Variants in ARHGAP21 observed in about 807,000 individuals in gnomAD.
ARHGAP21 encodes Rho GTPase activating protein 21.
In ARHGAP21, 38 loss-of-function variants were observed where a neutral mutation model predicts 164.6. That is an observed-to-expected ratio of 0.23 (90% confidence interval 0.18 to 0.30). ARHGAP21 has a LOEUF of 0.30. Among genes scored for constraint, ARHGAP21 ranks in the 10% least tolerant of loss-of-function variants. The probability of loss-of-function intolerance (pLI) is 1.00; values close to 1 mark genes in which losing one functional copy is unlikely to be tolerated. For synonymous variants in ARHGAP21, 766 were observed against 857.9 expected, an observed-to-expected ratio of 0.89 and a Z score of 1.87; for missense variants, 1,822 against 2,370.7, an observed-to-expected ratio of 0.77 and a Z score of 4.81.
intron 2 of ARHGAP21, among the ~76,000 whole-genome samples, chr10:24,680,786 A>G (rs933768939): frequency 1.3e-5 from 2 of 152,192 alleles, no homozygotes; most frequent in African/African-American, 4.8e-5. Flanking sequence ...AGGCACACAC[A>G]GTGAAGGAGC....
At chr10:24,656,641 T>C (rs1838998261) in intron 4 of ARHGAP21, among the ~76,000 whole-genome samples, 1 of 101,054 alleles carries the variant, frequency 9.9e-6, no homozygotes, top group Non-Finnish European at 2.0e-5. Context: ...CCGCCCCTAC[T>C]GGGAAGTGAG....
Position 24,586,048 on chromosome 10 carries a change from A to G in ARHGAP21, c.4241T>C (p.Phe1414Ser), listed in dbSNP as rs61732945. The part of the protein sequence containing the change: ...YSRELLVSSI[F>S]AAASRKRKKP... Reference sequence around the variant, plus strand: ...CTTCCTCTTGCGACTAGCAGCTGCAAAGATGGAGGACACAAGCAGTTCCCT... The same window carrying G: ...CTTCCTCTTGCGACTAGCAGCTGCAGAGATGGAGGACACAAGCAGTTCCCT... Residue 1414 changes from phenylalanine to serine, a missense_variant, in exon 26 of 26, where the codon TTT (phenylalanine) becomes TCT (serine). By Grantham distance (155) the Phe-to-Ser change is radical. Coordinates refer to ENST00000396432, the MANE Select transcript of ARHGAP21 (RefSeq NM_020824.4). The G allele has an allele frequency of 6.2e-7, 1 of 1,613,988 alleles. No individual in the cohort carries two copies. Among genetic ancestry groups the G allele is most frequent in the Non-Finnish European group, 8.5e-7 (1 of 1,179,986 alleles).
chr10:24,666,198 A>T (rs1840185075), intron 4 of ARHGAP21, among the ~76,000 whole-genome samples: 1 of 150,894 alleles, frequency 6.6e-6, no homozygotes, highest in African/African-American at 2.4e-5. Context: ...CCCGGCTAAT[A>T]TTTTGTATTT....
At chr10:24,596,956 C>T (rs2076610354) in intron 16 of ARHGAP21, 74 bp from the exon 17 acceptor site, 2 of 1,465,738 alleles carry the variant, frequency 1.4e-6, no homozygotes. Flanking sequence ...TTTAAAAACA[C>T]TTTATCAATG....
intron 14 of ARHGAP21, among the ~76,000 whole-genome samples, chr10:24,600,048 G>A (rs2076747153): frequency 6.8e-6 from 1 of 146,066 alleles, no homozygotes; most frequent in African/African-American, 2.5e-5. Flanking sequence ...CAGGAGAATG[G>A]TGTGAACCCG....
At chr10:24,627,734 A>C (rs1430908122) in intron 7 of ARHGAP21, among the ~76,000 whole-genome samples, 2 of 152,212 alleles carry the variant, frequency 1.3e-5, no homozygotes, top group Non-Finnish European at 2.9e-5. Flanking sequence ...TGAATGAGTA[A>C]CAGAACAAAA....
intron 2 of ARHGAP21, among the ~76,000 whole-genome samples, chr10:24,712,213 G>T (rs1844901300): frequency 6.6e-6 from 1 of 152,034 alleles, no homozygotes; most frequent in Non-Finnish European, 1.5e-5. Context: ...ACTGCACCTG[G>T]CCAAGTTAAG....
At chr10:24,697,964 G>C (rs1399285767) in intron 2 of ARHGAP21, among the ~76,000 whole-genome samples, 1 of 152,142 alleles carries the variant, frequency 6.6e-6, no homozygotes, top group African/African-American at 2.4e-5. Flanking sequence ...CATTTGGGGG[G>C]GAAATTCTAA....
chr10:24,633,977 T>G (rs1836117097), intron 5 of ARHGAP21, among the ~76,000 whole-genome samples: 3 of 134,112 alleles, frequency 2.2e-5, no homozygotes, highest in African/African-American at 8.3e-5. Context: ...TACTGCAACC[T>G]CTGCCTCCCG....
intron 2 of ARHGAP21, among the ~76,000 whole-genome samples, chr10:24,709,631 T>A (rs1844572713): frequency 6.6e-6 from 1 of 151,516 alleles, no homozygotes; most frequent in Non-Finnish European, 1.5e-5. Context: ...TCCCAGCTAC[T>A]CAGGAGACTG....
At chr10:24,701,205 G>C (rs1052736483) in intron 2 of ARHGAP21, among the ~76,000 whole-genome samples, 1 of 152,058 alleles carries the variant, frequency 6.6e-6, no homozygotes, top group East Asian at 1.9e-4. Flanking sequence ...GCTCTATGCA[G>C]CCTCTCTTTC....
intron 2 of ARHGAP21, among the ~76,000 whole-genome samples, chr10:24,720,153 T>C (rs893369549): frequency 7.9e-5 from 12 of 152,030 alleles, no homozygotes; most frequent in Admixed American, 7.9e-4. Context: ...ATAACTGTCA[T>C]TGTTAATAAA....
Position 24,693,317 on chromosome 10 carries a change from C to T in ARHGAP21, c.64-22920G>A, listed in dbSNP as rs114438331. Among the ~76,000 whole-genome samples the T allele has an allele frequency of 4.0e-3, 607 of 152,168 alleles. 8 individuals carry two copies. Among genetic ancestry groups the T allele is most frequent in the East Asian group, 0.038 (195 of 5,176 alleles). ...AAAGCCAACAATAGAATTCCCATCA[C>T]GCTGGGAAGGAAATCTAAAACTTTT... is the stretch of plus-strand genomic sequence containing the variant. On this transcript the variant is annotated intron_variant, in intron 2 of 25. Transcript: ENST00000396432.
At position 24,584,877 on chromosome 10, in the gene ARHGAP21, T is replaced by C; in HGVS notation, c.5412A>G (p.Leu1804=). Residue 1804 remains leucine (L), a synonymous_variant, in exon 26 of 26, where the codon CTA becomes CTG. Coordinates refer to ENST00000396432, the MANE Select transcript of ARHGAP21 (RefSeq NM_020824.4). ...KRKSIRRRHT[L]GGHRDATEIS... ...TTTCGGTAGCATCTCTGTGCCCTCC[T>C]AGTGTATGTCTGCGCCGGATGCTTT... is the stretch of plus-strand genomic sequence containing the variant. 6.2e-7 allele frequency: 1 copy of C among 1,613,968 alleles called. No homozygotes were observed. Among genetic ancestry groups the C allele is most frequent in the Non-Finnish European group, 8.5e-7 (1 of 1,179,852 alleles).
intron 24 of ARHGAP21, 181 bp downstream of exon 24, chr10:24,591,044 T>G (rs188936110): frequency 1.8e-6 from 1 of 566,670 alleles, no homozygotes; most frequent in East Asian, 1.4e-4. Flanking sequence ...CCAATGGCAT[T>G]AGAGTCACTG....
At chr10:24,601,352 CAG>C (rs1376850519) in intron 13 of ARHGAP21, among the ~76,000 whole-genome samples, 1 of 152,200 alleles carries the variant, frequency 6.6e-6, no homozygotes, top group African/African-American at 2.4e-5. Context: ...AACTAATTAA[CAG>C]AGTTCATCAA....
chr10:24,587,136 T>C (rs919122825), intron 25 of ARHGAP21, among the ~76,000 whole-genome samples: 2 of 152,260 alleles, frequency 1.3e-5, no homozygotes, highest in Admixed American at 1.3e-4. Context: ...TTATTTGCTA[T>C]GTATAATAGG....
At position 24,604,440 on chromosome 10, in the gene ARHGAP21, A is replaced by G. The variant is rs920057333; in HGVS notation, c.2685-92T>C. 7.4e-6 allele frequency: 6 copies of G among 809,500 alleles called. No homozygotes were observed. The African/African-American group carries it at 1.1e-4, about 14-fold the overall frequency. The allele number at this position is 809,500 out of a possible 1,614,324, so 50.1% of individuals were successfully genotyped here. ...ATTTGAATATTACAATTACTCTTTC[A>G]ATAATAATCTGACATTTCATCATTA... On this transcript the variant is annotated intron_variant, in intron 11 of 25. Transcript: ENST00000396432.
chr10:24,603,621 G>A (rs922437962), intron 12 of ARHGAP21, among the ~76,000 whole-genome samples: 1 of 152,162 alleles, frequency 6.6e-6, no homozygotes, highest in African/African-American at 2.4e-5. Context: ...GAAGAAGTGT[G>A]GGGGTTGGTT....
Sources: gnomAD v4.1 joint callset for allele counts (sites outside exome capture counted in the v4.1 genomes callset) on GRCh38, gnomAD v4.1.1 for gene constraint, MANE v1.5 for transcripts, NCBI Gene and HGNC (gene_info 2026-07-23, HGNC 2026-07-21) for gene names.